The following AGXT2 variants were observed in gnomAD, a reference collection of about 807,000 sequenced individuals.
The protein encoded by AGXT2 is alanine--glyoxylate aminotransferase 2.
In AGXT2, 61 loss-of-function variants were observed where a neutral mutation model predicts 62.5. That is an observed-to-expected ratio of 0.98 (90% CI 0.79 to 1.21). The LOEUF (loss-of-function observed/expected upper bound fraction) is 1.21. AGXT2 is among the 50% of genes most tolerant of loss of function. The pLI is 0.00. For synonymous variants in AGXT2, 243 were observed against 218.7 expected, an observed-to-expected ratio of 1.11 and a Z score of -0.98; for missense variants, 666 against 641.5, an observed-to-expected ratio of 1.04 and a Z score of -0.41.
intron 6 of AGXT2, chr5:35,033,215 C>A: frequency 1.9e-6 from 1 of 515,740 alleles, no homozygotes; most frequent in Admixed American, 3.2e-5. Flanking sequence ...CAGAGCCTTG[C>A]AGTTTACTTG....
At chr5:35,033,982 C>T (rs761530071) in intron 5 of AGXT2, among the ~76,000 whole-genome samples, 9 of 152,104 alleles carry the variant, frequency 5.9e-5, no homozygotes, top group Non-Finnish European at 1.2e-4. Flanking sequence ...TTATAAATCA[C>T]CTTATTCTCC....
At chr5:35,028,826 G>A (rs1767462993) in intron 7 of AGXT2, among the ~76,000 whole-genome samples, 1 of 152,200 alleles carries the variant, frequency 6.6e-6, no homozygotes, top group Non-Finnish European at 1.5e-5. Flanking sequence ...GACAGTGAAA[G>A]CAGTGTGGGA....
chr5:35,009,478 C>A (rs1182521679), intron 12 of AGXT2, among the ~76,000 whole-genome samples: 1 of 152,060 alleles, frequency 6.6e-6, no homozygotes, highest in African/African-American at 2.4e-5. Flanking sequence ...TGCCTGTAAT[C>A]CCAGCTACCC....
intron 12 of AGXT2, among the ~76,000 whole-genome samples, chr5:35,004,763 A>G (rs1234684349): frequency 6.6e-6 from 1 of 152,244 alleles, no homozygotes; most frequent in Non-Finnish European, 1.5e-5. Context: ...GGGCCCCTCT[A>G]GTGTGCCCAG....
At chr5:35,042,962 A>T (rs770760130) in intron 1 of AGXT2, among the ~76,000 whole-genome samples, 29 of 152,222 alleles carry the variant, frequency 1.9e-4, no homozygotes, top group Non-Finnish European at 3.8e-4. Context: ...ACTTCAATTC[A>T]CATGAGCAAC....
intron 1 of AGXT2, among the ~76,000 whole-genome samples, chr5:35,042,207 T>C (rs1768014745): frequency 6.6e-6 from 1 of 152,194 alleles, no homozygotes; most frequent in Non-Finnish European, 1.5e-5. Context: ...AGAGAAATAC[T>C]TGACAAAGAA....
intron 9 of AGXT2, among the ~76,000 whole-genome samples, chr5:35,025,253 G>A (rs920309722): frequency 6.6e-6 from 1 of 152,138 alleles, no homozygotes; most frequent in African/African-American, 2.4e-5. Context: ...GCACATGCCT[G>A]TGGTCCCAGC....
chr5:35,029,819 C>A (rs1389322760), intron 7 of AGXT2, among the ~76,000 whole-genome samples: 3 of 152,066 alleles, frequency 2.0e-5, no homozygotes, highest in African/African-American at 7.2e-5. Flanking sequence ...TGGAATGAAC[C>A]CCTGGGGAAA....
chr5:35,017,381 G>T (rs1309895660), intron 9 of AGXT2, among the ~76,000 whole-genome samples: 1 of 152,168 alleles, frequency 6.6e-6, no homozygotes, highest in Non-Finnish European at 1.5e-5. Context: ...ATCATGAATT[G>T]TAGCTCCCAT....
At chr5:35,020,694 A>T (rs1018123282) in intron 9 of AGXT2, among the ~76,000 whole-genome samples, 6 of 152,204 alleles carry the variant, frequency 3.9e-5, no homozygotes, top group Non-Finnish European at 5.9e-5. Context: ...CACCACTCCT[A>T]TTCAACATAG....
At chr5:35,003,113 G>A (rs1046529836) in intron 13 of AGXT2, among the ~76,000 whole-genome samples, 5 of 152,200 alleles carry the variant, frequency 3.3e-5, no homozygotes, top group African/African-American at 1.2e-4. Flanking sequence ...GGCAAGCCAG[G>A]GTCCTGACTG....
chr5:35,014,346 G>T (rs374015295), intron 9 of AGXT2, among the ~76,000 whole-genome samples: 1 of 150,936 alleles, frequency 6.6e-6, no homozygotes, highest in Non-Finnish European at 1.5e-5. Flanking sequence ...CCAGCTACTC[G>T]GGAGGCTGAG....
At chr5:35,041,326 TTG>T (rs59232333) in intron 1 of AGXT2, among the ~76,000 whole-genome samples, 8 of 149,110 alleles carry the variant, frequency 5.4e-5, no homozygotes, top group East Asian at 2.0e-4. Flanking sequence ...GACCTTACAT[TTG>T]TGTGTGTGTG....
chr5:35,011,874 G>A (rs1022265310), intron 11 of AGXT2, among the ~76,000 whole-genome samples: 2 of 150,594 alleles, frequency 1.3e-5, no homozygotes, highest in African/African-American at 4.9e-5. Context: ...ACCAACCTAA[G>A]AGCCCATCAA....
At chr5:35,023,792 A>T (rs1767215730) in intron 9 of AGXT2, among the ~76,000 whole-genome samples, 1 of 152,252 alleles carries the variant, frequency 6.6e-6, no homozygotes, top group Non-Finnish European at 1.5e-5. Flanking sequence ...GGCATAACAG[A>T]GACCCAGCTG....
In AGXT2 at chr5:35,044,971, T is replaced by C. The variant is rs557955854; in HGVS notation, c.88+2834A>G. Among the ~76,000 whole-genome samples, 11 of 152,314 alleles carry C rather than the reference T, an allele frequency of 7.2e-5. No homozygotes were observed. In the South Asian group the frequency reaches 2.3e-3, roughly 32 times the overall value. On this transcript the variant is annotated intron_variant, in intron 1 of 13. Transcript: ENST00000231420. The stretch of plus-strand genomic sequence containing the variant: ...CATCTCAGCTGGAAATAGATGACTT[T>C]TTGTGCCCTCCTTCCTTTGTGGGAG...
intron 9 of AGXT2, among the ~76,000 whole-genome samples, chr5:35,019,216 A>G (rs746837647): frequency 0.092 from 12,326 of 133,776 alleles, 690 homozygotes; most frequent in South Asian, 0.15. Flanking sequence ...GCTCTGCACC[A>G]AGCGGACCTA....
At position 35,010,022 on chromosome 5, in the gene AGXT2, C is replaced by T. The variant is rs771065822; in HGVS notation, c.1316G>A (p.Gly439Asp). 1 of 1,614,168 alleles carries T rather than the reference C, an allele frequency of 6.2e-7. No homozygotes were observed. The highest frequency in any genetic ancestry group is 8.5e-7 in the Non-Finnish European group (1 of 1,180,020). ...GDVRGKGLMIGIEMVQDKISC... is the reference protein window; with the variant it reads ...GDVRGKGLMIDIEMVQDKISC... ...TACCTTATCCTGCACCATTTCTATG[C>T]CTATCATGAGACCTTTGCCTCGGAC... The change falls in exon 12 of 14, where the codon GGC (glycine) becomes GAC (aspartate). Residue 439 changes from glycine (G) to aspartate (D), a missense_variant. Transcript: ENST00000231420.
chr5:35,005,936 A>G (rs1187993067), intron 12 of AGXT2, among the ~76,000 whole-genome samples: 1 of 152,174 alleles, frequency 6.6e-6, no homozygotes, highest in Non-Finnish European at 1.5e-5. Context: ...CCCACTTCCT[A>G]TCCTATTCCT....
Sources: allele counts gnomAD v4.1 joint callset (sites outside exome capture counted in the v4.1 genomes callset), GRCh38; gene constraint gnomAD v4.1.1; transcripts MANE v1.5; gene names NCBI Gene and HGNC (gene_info 2026-07-23, HGNC 2026-07-21).